The following KIAA0513 variants were observed in gnomAD, a reference collection of about 807,000 sequenced individuals.
KIAA0513 encodes uncharacterized protein KIAA0513.
A neutral mutation model predicts 56.5 loss-of-function variants in KIAA0513; 39 were observed. The ratio of observed to expected loss-of-function variants is 0.69; its 90% CI spans 0.53 to 0.90. The LOEUF is 0.90. Among genes scored for constraint, KIAA0513 ranks in the 40% least tolerant of loss-of-function variants. The probability of loss-of-function intolerance (pLI) is 0.00; values close to 1 mark genes in which losing one functional copy is unlikely to be tolerated. For missense variants in KIAA0513, 591 were observed against 535.2 expected, an observed-to-expected ratio of 1.10 and a Z score of -1.03; for synonymous variants, 268 against 215.6, an observed-to-expected ratio of 1.24 and a Z score of -2.13.
rs1045598009 is a variant in KIAA0513 at position 85,091,929 on chromosome 16, T to G, written c.*3604T>G. The stretch of plus-strand genomic sequence containing the variant: ...GGCCTGACCTTCCTGGGTCCCACTA[T>G]CTGTTGGCATTTTTTTTTTTTTTTT... On this transcript the variant is annotated 3_prime_UTR_variant, in exon 13 of 13. Coordinates refer to ENST00000683363, the MANE Select transcript of KIAA0513 (RefSeq NM_001388359.1). 7 of 146,808 alleles carry G rather than the reference T, an allele frequency of 4.8e-5. No homozygotes were observed. In the Admixed American group the frequency reaches 5.0e-4, roughly 10 times the overall value. The allele number at this position is 146,808 out of a possible 1,614,324, so 9.1% of individuals were successfully genotyped here.
chr16:85,078,998 C>G lies in KIAA0513; in HGVS notation c.897C>G (p.Pro299=), dbSNP rs757151498. ...IYLYTHLKQQ[P]IWHTLRFWNA... is the part of the protein sequence containing the mutation. ...TGTACACGCACCTGAAGCAACAGCC[C>G]ATCTGGTAAGGCCGAGCCCGCGGCT... The change falls in exon 8 of 13, where the codon CCC becomes CCG. Residue 299 remains proline (P), a synonymous_variant. Transcript: ENST00000683363. The G allele has an allele frequency of 6.2e-7, 1 of 1,614,156 alleles. No individual in the cohort carries two copies. Among genetic ancestry groups the G allele is most frequent in the Non-Finnish European group, 8.5e-7 (1 of 1,180,028 alleles).
chr16:85,068,688 A>G (rs892594025), intron 2 of KIAA0513, among the ~76,000 whole-genome samples: 6 of 152,100 alleles, frequency 3.9e-5, no homozygotes, highest in African/African-American at 7.2e-5. Flanking sequence ...GCTGGTCTCG[A>G]ACTCCTGACT....
In KIAA0513 at chr16:85,040,402, C is replaced by T. The variant is rs542064483; in HGVS notation, c.-173+12544C>T. 2.2e-4 allele frequency among the ~76,000 whole-genome samples: 33 copies of T among 152,176 alleles called. 1 individual carries two copies. The South Asian group carries it at 5.2e-3, about 24-fold the overall frequency. ...ACTGTTGGCTGGGCGTGGTGGCTCA[C>T]GCCTGTAATCCCAACTACTCGGGAG... On this transcript the variant is annotated intron_variant, in intron 1 of 12. Transcript: ENST00000683363.
intron 1 of KIAA0513, among the ~76,000 whole-genome samples, chr16:85,041,737 G>A (rs2073106090): frequency 6.6e-6 from 1 of 152,210 alleles, no homozygotes; most frequent in Admixed American, 6.5e-5. Context: ...GAGGTGACAA[G>A]CCACCCGGGG....
At chr16:85,056,132 A>G (rs2073325744) in intron 1 of KIAA0513, among the ~76,000 whole-genome samples, 1 of 152,220 alleles carries the variant, frequency 6.6e-6, no homozygotes, top group Non-Finnish European at 1.5e-5. Context: ...GCCAGCAGGC[A>G]CCTTGAACTC....
chr16:85,062,637 G>A (rs1214347293), intron 1 of KIAA0513, among the ~76,000 whole-genome samples: 2 of 152,188 alleles, frequency 1.3e-5, no homozygotes, highest in East Asian at 1.9e-4. Context: ...GACTCCCAGC[G>A]TGTTTTGAAA....
chr16:85,070,389 C>T (rs983963189), intron 2 of KIAA0513, among the ~76,000 whole-genome samples: 3 of 151,980 alleles, frequency 2.0e-5, no homozygotes, highest in African/African-American at 7.3e-5. Context: ...TCTCAAAATG[C>T]ATTTATGGGC....
intron 2 of KIAA0513, 103 bp downstream of exon 2, chr16:85,067,503 C>A: frequency 1.1e-6 from 1 of 885,640 alleles, no homozygotes; most frequent in African/African-American, 1.7e-5. Context: ...CCACCTGGGA[C>A]CAGAGCTTCC....
At chr16:85,070,994 A>AATAAGGACCAAGATG (rs1429480287) in intron 2 of KIAA0513, among the ~76,000 whole-genome samples, 1 of 152,220 alleles carries the variant, frequency 6.6e-6, no homozygotes, top group African/African-American at 2.4e-5. Context: ...ATTGAGAGTA[A>AATAAGGACCAAGATG]ATAAGGACCA....
intron 1 of KIAA0513, among the ~76,000 whole-genome samples, chr16:85,052,815 C>G (rs2143931908): frequency 6.6e-6 from 1 of 152,332 alleles, no homozygotes; most frequent in East Asian, 1.9e-4. Context: ...TATGTTGACT[C>G]AGCAAGCGCG....
rs113616263 is a variant in KIAA0513 at position 85,037,947 on chromosome 16, C to T, written c.-173+10089C>T. 4.6e-3 allele frequency among the ~76,000 whole-genome samples: 701 copies of T among 152,322 alleles called. 3 individuals carry two copies. Among genetic ancestry groups the T allele is most frequent in the Non-Finnish European group, 7.9e-3 (534 of 68,024 alleles). On this transcript the variant is annotated intron_variant, in intron 1 of 12. Coordinates refer to ENST00000683363, the MANE Select transcript of KIAA0513 (RefSeq NM_001388359.1). ...TCCTGCATCTGTTCTTGCTAGCATG[C>T]CAGTCCACTCTCCACACAGTGGCCA...
chr16:85,041,572 G>A (rs184187222), intron 1 of KIAA0513, among the ~76,000 whole-genome samples: 215 of 152,294 alleles, frequency 1.4e-3, no homozygotes, highest in African/African-American at 4.9e-3. Context: ...CTTCAAGATG[G>A]TTGCCAAGTG....
intron 1 of KIAA0513, among the ~76,000 whole-genome samples, chr16:85,044,745 A>G (rs1214005099): frequency 1.3e-5 from 2 of 151,798 alleles, no homozygotes; most frequent in African/African-American, 4.8e-5. Context: ...TGACCTCATG[A>G]TCCGCCTGTC....
Position 85,076,031 on chromosome 16 carries a change from G to C in KIAA0513, c.574+117G>C. 1.4e-6 allele frequency: 1 copy of C among 737,786 alleles called. No individual in the cohort carries two copies. The highest frequency in any genetic ancestry group is 2.6e-5 in the East Asian group (1 of 38,132). The allele number at this position is 737,786 out of a possible 1,614,324, so 45.7% of individuals were successfully genotyped here. On this transcript the variant is annotated intron_variant, in intron 5 of 12. Coordinates refer to ENST00000683363, the MANE Select transcript of KIAA0513 (RefSeq NM_001388359.1). The surrounding 1 kb of genome is among the most constrained non-coding windows in gnomAD (Gnocchi z 4.7). ...AAAGCTATGGGGCCTCCAGAGAACA[G>C]AGGAAGCTGATGTTAGGGAGGAGTG...
At chr16:85,053,595 C>G (rs868316141) in intron 1 of KIAA0513, among the ~76,000 whole-genome samples, 2 of 152,210 alleles carry the variant, frequency 1.3e-5, no homozygotes, top group Non-Finnish European at 2.9e-5. Context: ...AACAACTCAT[C>G]AGTCCTAAGA....
At chr16:85,082,029 C>G (rs979528942) in intron 9 of KIAA0513, among the ~76,000 whole-genome samples, 1 of 152,248 alleles carries the variant, frequency 6.6e-6, no homozygotes, top group Non-Finnish European at 1.5e-5. Flanking sequence ...GAAGTCTGAA[C>G]CTCTCAGGGC....
intron 1 of KIAA0513, among the ~76,000 whole-genome samples, chr16:85,036,721 G>T (rs1267582203): frequency 6.6e-6 from 1 of 152,170 alleles, no homozygotes; most frequent in African/African-American, 2.4e-5. Flanking sequence ...CCAGGATCCA[G>T]TCCAGGGGAC....
In KIAA0513 at chr16:85,091,716, G is replaced by C. The variant is rs1348509026; in HGVS notation, c.*3391G>C. 2.0e-5 allele frequency: 3 copies of C among 152,192 alleles called. No homozygotes were observed. The highest frequency in any genetic ancestry group is 4.4e-5 in the Non-Finnish European group (3 of 68,048). 9.4% of individuals were successfully genotyped at this position (152,192 alleles called of 1,614,324 possible). A position where few individuals can be genotyped will look rare whatever the true frequency, so the allele number is the denominator to read the frequency against. On this transcript the variant is annotated 3_prime_UTR_variant, in exon 13 of 13. Transcript: ENST00000683363. ...GTAATGCTGAGGAGTTCAGTTGTGA[G>C]GAAAGAAGGCTGGAGCTGTGAGATT... is the stretch of plus-strand genomic sequence containing the variant.
intron 1 of KIAA0513, among the ~76,000 whole-genome samples, chr16:85,058,826 A>G (rs1410438115): frequency 6.6e-6 from 1 of 152,244 alleles, no homozygotes; most frequent in African/African-American, 2.4e-5. Context: ...CAAATTCAGT[A>G]TCTGCAGAAA....
Sources: gnomAD v4.1 joint callset for allele counts (sites outside exome capture counted in the v4.1 genomes callset) on GRCh38, gnomAD v4.1.1 for gene constraint, Gnocchi (gnomAD v3.1) non-coding constraint, MANE v1.5 for transcripts, NCBI Gene and HGNC (gene_info 2026-07-23, HGNC 2026-07-21) for gene names.